Variants in CCM2 observed in about 807,000 individuals in gnomAD.
The protein encoded by CCM2 is cerebral cavernous malformations 2 protein.
A neutral mutation model predicts 44.9 loss-of-function variants in CCM2; 25 were observed. The observed-to-expected ratio is 0.56, with a 90% CI of 0.41 to 0.78. The LOEUF is 0.78. Among genes scored for constraint, CCM2 ranks in the 30% least tolerant of loss-of-function variants. The pLI, the probability that CCM2 is intolerant of heterozygous loss-of-function variation, is 0.00. For synonymous variants in CCM2, 219 were observed against 241.1 expected, an observed-to-expected ratio of 0.91 and a Z score of 0.85; for missense variants, 481 against 580.6, an observed-to-expected ratio of 0.83 and a Z score of 1.76.
intron 7 of CCM2, chr7:45,073,008 T>C: frequency 1.6e-6 from 1 of 641,242 alleles, no homozygotes; most frequent in Admixed American, 2.2e-5. Context: ...CCTGCCTACC[T>C]TCCCATGGCC....
At chr7:45,013,935 T>C (rs1158482401) in intron 1 of CCM2, among the ~76,000 whole-genome samples, 5 of 152,172 alleles carry the variant, frequency 3.3e-5, no homozygotes, top group African/African-American at 9.7e-5. Context: ...TTGTCCCATG[T>C]TGGTGATGTT....
intron 4 of CCM2, chr7:45,067,962 A>G: frequency 4.6e-6 from 1 of 218,318 alleles, no homozygotes. Context: ...ATTTCAGGAG[A>G]ACCTCATTTG....
chr7:45,006,744 C>G (rs1795863226), intron 1 of CCM2, among the ~76,000 whole-genome samples: 1 of 152,102 alleles, frequency 6.6e-6, no homozygotes, highest in Non-Finnish European at 1.5e-5. Context: ...TATTAGGACA[C>G]AGAGAGGAAT....
At chr7:45,060,816 G>A (rs1798484491) in intron 2 of CCM2, among the ~76,000 whole-genome samples, 1 of 152,180 alleles carries the variant, frequency 6.6e-6, no homozygotes, top group Non-Finnish European at 1.5e-5. Flanking sequence ...CTCTGCTTAT[G>A]CTGCCTATCT....
At chr7:45,035,946 G>A (rs952356386) in intron 1 of CCM2, among the ~76,000 whole-genome samples, 7 of 152,126 alleles carry the variant, frequency 4.6e-5, no homozygotes, top group South Asian at 2.1e-4. Flanking sequence ...CATATCAGAC[G>A]TGCTCAGAAC....
intron 7 of CCM2, chr7:45,073,079 C>T (rs748833243): frequency 2.4e-5 from 14 of 589,868 alleles, no homozygotes; most frequent in African/African-American, 9.3e-5. Flanking sequence ...CCGAGCCTGC[C>T]GAGGCGCTGG....
Position 45,037,351 on chromosome 7 carries a change from G to A in CCM2, c.31-902G>A, listed in dbSNP as rs185641092. On this transcript the variant is annotated intron_variant, in intron 1 of 9. Coordinates refer to ENST00000258781, the MANE Select transcript of CCM2 (RefSeq NM_031443.4). ...TTAGCCTTCAGAACCCTCATGAAAT[G>A]CTGGATAGGGTGTGAAGTCATCAGA... is the stretch of plus-strand genomic sequence containing the variant. Among the ~76,000 whole-genome samples, 768 of 151,460 alleles carry A rather than the reference G, an allele frequency of 5.1e-3. 10 individuals are homozygous for A. Among genetic ancestry groups the A allele is most frequent in the African/African-American group, 0.018 (747 of 41,164 alleles).
chr7:45,071,241 C>T (rs1217784854), intron 6 of CCM2: 2 of 152,448 alleles, frequency 1.3e-5, no homozygotes, highest in Non-Finnish European at 2.9e-5. Context: ...AGTTTTAGTG[C>T]GACTGGTTTG....
intron 2 of CCM2, among the ~76,000 whole-genome samples, chr7:45,044,533 G>T (rs1797663974): frequency 6.6e-6 from 1 of 152,160 alleles, no homozygotes; most frequent in South Asian, 2.1e-4. Context: ...AACCCCAATT[G>T]CTGTAAGTTC....
At chr7:45,021,221 C>T (rs543401742) in intron 1 of CCM2, among the ~76,000 whole-genome samples, 1 of 152,114 alleles carries the variant, frequency 6.6e-6, no homozygotes, top group East Asian at 1.9e-4. Flanking sequence ...TGTGCCACTG[C>T]ACTGCAGCCT....
chr7:45,074,939 C>G (rs1799270866), intron 9 of CCM2, among the ~76,000 whole-genome samples: 1 of 152,246 alleles, frequency 6.6e-6, no homozygotes, highest in South Asian at 2.1e-4. Flanking sequence ...TGTGGTTTCC[C>G]TCTGCCGACA....
chr7:45,071,141 G>A (rs75270080), intron 6 of CCM2: 4 of 152,374 alleles, frequency 2.6e-5, no homozygotes, highest in Non-Finnish European at 5.9e-5. Context: ...TTTTAGAGAT[G>A]GGGAAGTGGA....
At chr7:45,071,296 A>C (rs1033373720) in intron 6 of CCM2, 10 of 152,204 alleles carry the variant, frequency 6.6e-5, no homozygotes, top group African/African-American at 2.2e-4. Flanking sequence ...TTTCTTTAAT[A>C]ATTTTTTTTT....
intron 1 of CCM2, among the ~76,000 whole-genome samples, chr7:45,008,857 C>T (rs1795954063): frequency 1.3e-5 from 2 of 152,190 alleles, no homozygotes; most frequent in African/African-American, 2.4e-5. Flanking sequence ...CCATAGCCCA[C>T]CTGCCTGTGC....
chr7:45,039,908 T>TC (rs1797401130), intron 2 of CCM2, among the ~76,000 whole-genome samples: 1 of 151,928 alleles, frequency 6.6e-6, no homozygotes, highest in African/African-American at 2.4e-5. Flanking sequence ...GCGCCTGTAA[T>TC]CCCAGCTACT....
chr7:45,054,268 G>T (rs1261593121), intron 2 of CCM2, among the ~76,000 whole-genome samples: 1 of 152,054 alleles, frequency 6.6e-6, no homozygotes, highest in East Asian at 1.9e-4. Flanking sequence ...TGTGTGGGGG[G>T]CTTCTGTCGT....
chr7:45,033,467 T>C (rs1415248182), intron 1 of CCM2, among the ~76,000 whole-genome samples: 1 of 152,168 alleles, frequency 6.6e-6, no homozygotes, highest in African/African-American at 2.4e-5. Context: ...AGTAACTAGT[T>C]TGGCTAACAG....
intron 6 of CCM2, chr7:45,072,158 G>T: frequency 2.9e-6 from 1 of 341,728 alleles, no homozygotes; most frequent in Non-Finnish European, 5.7e-6. Flanking sequence ...ATTACAGTCT[G>T]TGTCACACGG....
Position 45,064,545 on chromosome 7 carries a change from G to A in CCM2, c.371G>A (p.Trp124Ter). ...SLSAYNVKLA[W>*]RDGEDIILRV... Reference sequence around the variant, plus strand: ...TCTGCGTACAACGTCAAGCTGGCCTGGAGGGACGGGGAGGATATCATCCTC... The same window carrying A: ...TCTGCGTACAACGTCAAGCTGGCCTAGAGGGACGGGGAGGATATCATCCTC... Residue 124 changes from tryptophan (W) to a stop codon, truncating the protein, a stop_gained, in exon 4 of 10, where the codon TGG becomes TAG. Coordinates refer to ENST00000258781, the MANE Select transcript of CCM2 (RefSeq NM_031443.4). LOFTEE classifies it high-confidence loss of function. 2 of 1,614,022 alleles carry A rather than the reference G, an allele frequency of 1.2e-6. No homozygotes were observed. Among genetic ancestry groups the A allele is most frequent in the Non-Finnish European group, 1.7e-6 (2 of 1,180,012 alleles).
Sources: allele counts gnomAD v4.1 joint callset (sites outside exome capture counted in the v4.1 genomes callset), GRCh38; gene constraint gnomAD v4.1.1; transcripts MANE v1.5; gene names NCBI Gene and HGNC (gene_info 2026-07-23, HGNC 2026-07-21).